XKR9: variants seen among roughly 807,000 people sequenced by gnomAD.
XKR9 encodes the protein XK-related protein 9.
A neutral mutation model predicts 32.0 loss-of-function variants in XKR9; 32 were observed. The observed-to-expected ratio is 1.00, with a 90% CI of 0.76 to 1.34. XKR9 has a LOEUF of 1.34. Among genes scored for constraint, XKR9 ranks in the 40% most tolerant of loss-of-function variants. The pLI, the probability that XKR9 is intolerant of heterozygous loss-of-function variation, is 0.00. For missense variants in XKR9, 546 were observed against 429.7 expected (o/e 1.27, Z -2.39); for synonymous variants, 168 against 143.4 (o/e 1.17, Z -1.22).
At chr8:70,882,691 C>T in the XKR9 span, among the ~76,000 whole-genome samples, 2 of 152,150 alleles carry the variant, frequency 1.3e-5, no homozygotes, top group African/African-American at 2.4e-5. Context: ...ACTACTCCCA[C>T]TCTACTTTTC....
chr8:70,874,198 T>C, the XKR9 span, among the ~76,000 whole-genome samples: 1 of 152,214 alleles, frequency 6.6e-6, no homozygotes, highest in Non-Finnish European at 1.5e-5. Flanking sequence ...TATTGTGATA[T>C]TTGCTTTATC....
At position 70,720,489 on chromosome 8, in the gene XKR9, TTGAG is replaced by T. The variant is rs1563446960; in HGVS notation, c.494-13304_494-13301del. ...ATATGTTTCATCAATACCTAGTTTA[TTGAG>T]TGTTTTTAGCATGAAGGGGTGTTGA... On this transcript the variant is annotated intron_variant, in intron 4 of 4. Transcript: ENST00000408926. Among the ~76,000 whole-genome samples, 6 of 152,316 alleles carry T rather than the reference TTGAG, an allele frequency of 3.9e-5. No individual in the cohort carries two copies. The South Asian group carries it at 1.2e-3, about 32-fold the overall frequency.
chr8:70,708,750 C>G (rs1370948725), intron 4 of XKR9, among the ~76,000 whole-genome samples: 1 of 152,060 alleles, frequency 6.6e-6, no homozygotes, highest in South Asian at 2.1e-4. Flanking sequence ...TCCAAATTTT[C>G]TATAGTAACT....
chr8:71,061,154 C>T, the XKR9 span, among the ~76,000 whole-genome samples: 1 of 152,126 alleles, frequency 6.6e-6, no homozygotes, highest in Non-Finnish European at 1.5e-5. Context: ...AGGTGATGGT[C>T]AAGGTTACAT....
chr8:70,991,168 G>A, the XKR9 span, among the ~76,000 whole-genome samples: 1 of 152,254 alleles, frequency 6.6e-6, no homozygotes, highest in African/African-American at 2.4e-5. Context: ...CCTGTGAGCA[G>A]TTCTACTGTG....
chr8:70,951,935 C>T, the XKR9 span, among the ~76,000 whole-genome samples: 4 of 151,904 alleles, frequency 2.6e-5, no homozygotes, highest in South Asian at 8.3e-4. Flanking sequence ...AACTCATTAG[C>T]AACCTCCTGA....
At chr8:70,972,345 C>T in the XKR9 span, among the ~76,000 whole-genome samples, 1 of 152,076 alleles carries the variant, frequency 6.6e-6, no homozygotes, top group Non-Finnish European at 1.5e-5. Flanking sequence ...ATTTATTCAC[C>T]AGCTCTAGGA....
At chr8:70,903,814 G>T in the XKR9 span, among the ~76,000 whole-genome samples, 1 of 152,030 alleles carries the variant, frequency 6.6e-6, no homozygotes, top group African/African-American at 2.4e-5. Context: ...CTCTAAATAT[G>T]TCCCAGAGAT....
At chr8:70,754,853 G>C (rs1263167729) in intron 2 of XKR9, among the ~76,000 whole-genome samples, 2 of 152,014 alleles carry the variant, frequency 1.3e-5, no homozygotes, top group African/African-American at 2.4e-5. Flanking sequence ...ACAGGCATGG[G>C]CAAGGACTTC....
the XKR9 span, among the ~76,000 whole-genome samples, chr8:70,978,807 C>T: frequency 2.6e-5 from 4 of 152,140 alleles, no homozygotes; most frequent in Non-Finnish European, 5.9e-5. Context: ...GTAAGTTCTC[C>T]TGGATAATAT....
chr8:70,729,284 G>A (rs1199773261), intron 4 of XKR9, among the ~76,000 whole-genome samples: 1 of 152,102 alleles, frequency 6.6e-6, no homozygotes, highest in African/African-American at 2.4e-5. Flanking sequence ...TTTGTTCATA[G>A]GAATGTATTT....
the XKR9 span, among the ~76,000 whole-genome samples, chr8:71,045,800 A>G: frequency 1.1e-3 from 161 of 152,306 alleles, no homozygotes; most frequent in African/African-American, 3.8e-3. Context: ...TTGATGTGGT[A>G]TGTGCCTTGG....
the XKR9 span, among the ~76,000 whole-genome samples, chr8:70,982,702 G>A: frequency 6.6e-6 from 1 of 152,124 alleles, no homozygotes; most frequent in Non-Finnish European, 1.5e-5. Flanking sequence ...AAGGGTCTGT[G>A]GATTCTCTTG....
At chr8:70,865,715 CA>C in the XKR9 span, among the ~76,000 whole-genome samples, 1 of 152,028 alleles carries the variant, frequency 6.6e-6, no homozygotes, top group Non-Finnish European at 1.5e-5. Context: ...TGCTCTTAGT[CA>C]AAAGGGATAA....
At chr8:70,960,074 A>G in the XKR9 span, among the ~76,000 whole-genome samples, 1 of 152,162 alleles carries the variant, frequency 6.6e-6, no homozygotes, top group Non-Finnish European at 1.5e-5. Flanking sequence ...TACTAAAAAT[A>G]CAAAAATTAG....
chr8:70,885,865 G>A, the XKR9 span, among the ~76,000 whole-genome samples: 1 of 151,962 alleles, frequency 6.6e-6, no homozygotes, highest in East Asian at 1.9e-4. Flanking sequence ...CAAAGTGCTG[G>A]GATTACAGGC....
intron 2 of XKR9, among the ~76,000 whole-genome samples, chr8:70,744,405 A>G (rs1807029378): frequency 6.6e-6 from 1 of 152,132 alleles, no homozygotes; most frequent in African/African-American, 2.4e-5. Flanking sequence ...TGACCCTGAT[A>G]AAAACTGCAA....
the XKR9 span, among the ~76,000 whole-genome samples, chr8:70,823,204 A>G: frequency 1.3e-5 from 2 of 152,342 alleles, no homozygotes; most frequent in Admixed American, 1.3e-4. Flanking sequence ...TGGTCCCACA[A>G]ATATACTGTA....
chr8:71,061,106 G>A, the XKR9 span, among the ~76,000 whole-genome samples: 1 of 152,124 alleles, frequency 6.6e-6, no homozygotes, highest in Non-Finnish European at 1.5e-5. Context: ...GAGGCACAAA[G>A]AAGCAAAGGT....
Sources: allele counts gnomAD v4.1 joint callset (sites outside exome capture counted in the v4.1 genomes callset), GRCh38; gene constraint gnomAD v4.1.1; transcripts MANE v1.5; gene names NCBI Gene and HGNC (gene_info 2026-07-23, HGNC 2026-07-21).